The following ERG variants were observed in gnomAD, a reference collection of about 807,000 sequenced individuals.
ERG encodes the protein ETS transcription factor ERG.
ERG carries 9 observed loss-of-function variants against 55.3 expected under a neutral mutation model. That is an observed-to-expected ratio of 0.16 (90% CI 0.10 to 0.28). ERG has a LOEUF of 0.28. ERG is among the 10% of genes least tolerant of loss of function. ERG has a pLI of 1.00. For synonymous variants in ERG, 223 were observed against 237.3 expected, an observed-to-expected ratio of 0.94 and a Z score of 0.55; for missense variants, 434 against 631.6, an observed-to-expected ratio of 0.69 and a Z score of 3.35.
chr21:38,429,458 CAT>C (rs576821372), intron 2 of ERG, among the ~76,000 whole-genome samples: 3 of 145,114 alleles, frequency 2.1e-5, no homozygotes, highest in African/African-American at 8.2e-5. Flanking sequence ...TACACATGTA[CAT>C]ATACACATAT....
intron 1 of ERG, among the ~76,000 whole-genome samples, chr21:38,475,827 C>G (rs1569128742): frequency 6.6e-6 from 1 of 152,164 alleles, no homozygotes; most frequent in Non-Finnish European, 1.5e-5. Flanking sequence ...TGTCCTGCTG[C>G]TCATGCCCCT....
chr21:38,392,538 A>C, intron 6 of ERG, 94 bp from the exon 7 acceptor site: 1 of 894,988 alleles, frequency 1.1e-6, no homozygotes. Flanking sequence ...TATTAGAATA[A>C]ACTTTGTGCA....
In ERG at chr21:38,382,259, C is replaced by G; in HGVS notation, c.*1144G>C. The G allele has an allele frequency of 1.9e-6, 2 of 1,051,312 alleles. No individual in the cohort carries two copies. The highest frequency in any genetic ancestry group is 2.3e-6 in the Non-Finnish European group (2 of 870,026). The allele number at this position is 1,051,312 out of a possible 1,614,324, so 65.1% of individuals were successfully genotyped here. ...AGGGGGAAAAACATTGACTTGTATA[C>G]TTCATTCTGACAAACGCACAGCGTT... On this transcript the variant is annotated 3_prime_UTR_variant, in exon 10 of 10. Coordinates refer to ENST00000288319, the MANE Select transcript of ERG (RefSeq NM_182918.4).
chr21:38,579,695 C>G (rs2060016306), intron 1 of ERG, among the ~76,000 whole-genome samples: 2 of 152,194 alleles, frequency 1.3e-5, no homozygotes, highest in African/African-American at 2.4e-5. Flanking sequence ...AAGGGATTCA[C>G]TCAGCACGCA....
In ERG at chr21:38,458,423, CA is replaced by C. The variant is rs35307490; in HGVS notation, c.19-12803del. ...TGGGTGACAGAGTGAGACTCTGGCTCAAAAAAAAAAAAAAAAAAAAGAATGC... is the reference window on the plus strand; with the variant it reads ...TGGGTGACAGAGTGAGACTCTGGCTCAAAAAAAAAAAAAAAAAAAGAATGC... On this transcript the variant is annotated intron_variant, in intron 1 of 9. Transcript: ENST00000288319. 4.3e-3 allele frequency among the ~76,000 whole-genome samples: 359 copies of C among 83,710 alleles called. 2 individuals are homozygous for C. The highest frequency in any genetic ancestry group is 0.013 in the African/African-American group (277 of 21,084). 54.9% of individuals were successfully genotyped at this position (83,710 alleles called of 152,430 possible).
chr21:38,594,745 GACA>G (rs2060121271), intron 1 of ERG, among the ~76,000 whole-genome samples: 1 of 152,182 alleles, frequency 6.6e-6, no homozygotes, highest in Non-Finnish European at 1.5e-5. Flanking sequence ...AGGCAATCCA[GACA>G]ACAATAATAA....
intron 3 of ERG, among the ~76,000 whole-genome samples, chr21:38,416,337 C>T (rs1050703615): frequency 9.2e-5 from 14 of 152,332 alleles, no homozygotes; most frequent in African/African-American, 3.1e-4. Context: ...AAAAGGGATC[C>T]TTCTTTTAGG....
intron 2 of ERG, among the ~76,000 whole-genome samples, chr21:38,563,297 T>C (rs527321738): frequency 6.6e-6 from 1 of 152,348 alleles, no homozygotes; most frequent in Admixed American, 6.5e-5. Flanking sequence ...CTCTGGACTT[T>C]GGGTGATAAT....
intron 1 of ERG, among the ~76,000 whole-genome samples, chr21:38,601,294 G>A (rs1248139486): frequency 2.6e-5 from 4 of 152,160 alleles, no homozygotes; most frequent in Non-Finnish European, 5.9e-5. Context: ...GTTGTACACT[G>A]TGGGCCCAAA....
At chr21:38,440,359 T>C (rs1478392885) in intron 2 of ERG, among the ~76,000 whole-genome samples, 2 of 152,136 alleles carry the variant, frequency 1.3e-5, no homozygotes, top group South Asian at 4.1e-4. Context: ...CAGCATCTCA[T>C]CTGTGAGCCC....
intron 2 of ERG, among the ~76,000 whole-genome samples, chr21:38,526,465 C>T (rs2836472): frequency 0.31 from 47,828 of 152,008 alleles, 9,257 homozygotes; most frequent in Non-Finnish European, 0.42. Flanking sequence ...TATGTCACAG[C>T]GGACTGCATC....
intron 1 of ERG, among the ~76,000 whole-genome samples, chr21:38,452,485 T>C (rs1469824101): frequency 2.0e-5 from 3 of 152,226 alleles, no homozygotes; most frequent in Non-Finnish European, 4.4e-5. Context: ...TATGTATACA[T>C]ATTACTAAAT....
intron 1 of ERG, among the ~76,000 whole-genome samples, chr21:38,489,651 T>C (rs969958880): frequency 2.6e-5 from 4 of 152,252 alleles, no homozygotes; most frequent in African/African-American, 9.6e-5. Context: ...AAGTGAAAAG[T>C]TAGAACTCAA....
At chr21:38,376,763 C>T (rs71316640), downstream of ERG, among the ~76,000 whole-genome samples, 1 of 152,386 alleles carries the variant, frequency 6.6e-6, no homozygotes, top group African/African-American at 2.4e-5. Context: ...CCACTCGCCT[C>T]CACCAGGTTA....
intron 2 of ERG, among the ~76,000 whole-genome samples, chr21:38,554,768 C>T (rs1472063466): frequency 1.3e-5 from 2 of 151,790 alleles, no homozygotes; most frequent in African/African-American, 4.8e-5. Context: ...ACCAAACTCT[C>T]ATGGCATGCA....
At chr21:38,416,395 G>A (rs1201177244) in intron 3 of ERG, among the ~76,000 whole-genome samples, 1 of 152,070 alleles carries the variant, frequency 6.6e-6, no homozygotes, top group African/African-American at 2.4e-5. Context: ...CTTCTTTTTT[G>A]AAAGGAAAAA....
At chr21:38,438,551 C>T (rs1045054956) in intron 2 of ERG, among the ~76,000 whole-genome samples, 10 of 152,322 alleles carry the variant, frequency 6.6e-5, no homozygotes, top group Middle Eastern at 3.4e-3. Context: ...ATCTATAAAA[C>T]ATCCTGCTAT....
At chr21:38,527,370 G>A (rs1489431501) in intron 2 of ERG, among the ~76,000 whole-genome samples, 1 of 152,224 alleles carries the variant, frequency 6.6e-6, no homozygotes, top group African/African-American at 2.4e-5. Context: ...CAGAATCTCT[G>A]AGGTGGACCA....
upstream of ERG, among the ~76,000 whole-genome samples, chr21:38,501,375 T>C: frequency 6.6e-6 from 1 of 152,054 alleles, no homozygotes. Flanking sequence ...CCAAGGCACA[T>C]CTATTAACTA....
Sources: allele counts gnomAD v4.1 joint callset (sites outside exome capture counted in the v4.1 genomes callset), GRCh38; gene constraint gnomAD v4.1.1; transcripts MANE v1.5; gene names NCBI Gene and HGNC (gene_info 2026-07-23, HGNC 2026-07-21).